PCLO: variants seen among roughly 807,000 people sequenced by gnomAD.
PCLO encodes piccolo presynaptic cytomatrix protein.
PCLO carries 82 observed loss-of-function variants against 427.5 expected under a neutral mutation model. The observed-to-expected ratio is 0.19, with a 90% confidence interval of 0.16 to 0.23. The LOEUF is 0.23. Among genes scored for constraint, PCLO ranks in the 10% least tolerant of loss-of-function variants. PCLO has a pLI of 1.00. For synonymous variants in PCLO, 2,357 were observed against 2,155.4 expected (o/e 1.09, Z -2.59); for missense variants, 6,239 against 6,115.9 (o/e 1.02, Z -0.67).
At chr7:82,763,521 T>C (rs1227295105) in intron 22 of PCLO, among the ~76,000 whole-genome samples, 1 of 152,082 alleles carries the variant, frequency 6.6e-6, no homozygotes, top group East Asian at 1.9e-4. Flanking sequence ...GCTGTAGTTA[T>C]TTGATCATTT....
intron 3 of PCLO, among the ~76,000 whole-genome samples, chr7:83,109,573 G>C (rs181880618): frequency 1.1e-3 from 171 of 152,184 alleles, no homozygotes; most frequent in African/African-American, 3.9e-3. Context: ...TCTGAATTAT[G>C]TTTTAGCTAC....
chr7:83,140,827 T>G (rs1047196165), intron 2 of PCLO, among the ~76,000 whole-genome samples: 5 of 152,184 alleles, frequency 3.3e-5, no homozygotes, highest in Non-Finnish European at 7.3e-5. Context: ...TTGTTTTACT[T>G]CCAAAATTAA....
At chr7:83,123,156 G>A (rs1198404075) in intron 3 of PCLO, among the ~76,000 whole-genome samples, 1 of 151,994 alleles carries the variant, frequency 6.6e-6, no homozygotes, top group Admixed American at 6.6e-5. Context: ...AAAAGACCAA[G>A]AATAGCCAAA....
At chr7:83,135,825 C>T (rs1427088996) in intron 2 of PCLO, among the ~76,000 whole-genome samples, 169 bp from the exon 3 acceptor site, 1 of 151,876 alleles carries the variant, frequency 6.6e-6, no homozygotes, top group Non-Finnish European at 1.5e-5. Context: ...AATTGCCAGG[C>T]GTGGTGGCTC....
intron 22 of PCLO, 44 bp from the exon 23 acceptor site, chr7:82,761,537 A>G: frequency 6.9e-7 from 1 of 1,441,176 alleles, no homozygotes; most frequent in Non-Finnish European, 9.6e-7. Context: ...GTAATGCCAT[A>G]TATGAAATGT....
At chr7:82,841,325 G>A (rs1210720687) in intron 14 of PCLO, 134 bp downstream of exon 14, 4 of 650,674 alleles carry the variant, frequency 6.1e-6, no homozygotes, top group Admixed American at 2.9e-5. Flanking sequence ...CTATAAAATT[G>A]CATTTTTCCT....
chr7:82,928,079 G>A (rs1394309295), intron 6 of PCLO, among the ~76,000 whole-genome samples: 1 of 152,118 alleles, frequency 6.6e-6, no homozygotes, highest in Admixed American at 6.6e-5. Context: ...TTCTTTGTGG[G>A]TGAGTAGAGA....
intron 3 of PCLO, among the ~76,000 whole-genome samples, chr7:83,077,147 G>C (rs1036682925): frequency 6.6e-6 from 1 of 151,922 alleles, no homozygotes; most frequent in Non-Finnish European, 1.5e-5. Flanking sequence ...CCTTTTCATA[G>C]AAGCTAACAT....
At chr7:83,002,680 C>T (rs181977197) in intron 3 of PCLO, among the ~76,000 whole-genome samples, 5 of 151,892 alleles carry the variant, frequency 3.3e-5, no homozygotes, top group Admixed American at 3.3e-4. Flanking sequence ...TATAGTTCGA[C>T]AAGATAATGT....
Position 83,134,705 on chromosome 7 carries a change from C to A in PCLO, c.2845G>T (p.Ala949Ser), listed in dbSNP as rs554897786. ...TGTGAATGAGGTCCAGGTTGGCCTG[C>A]AGTGGAAATTAAATTTGATGCCTGG... ...FSQASNLISTAGQPGPHSQSG... is the reference protein window; with the variant it reads ...FSQASNLISTSGQPGPHSQSG... Residue 949 changes from alanine to serine, a missense_variant, in exon 3 of 25, where the codon GCA (alanine) becomes TCA (serine). By Grantham distance (99) the Ala-to-Ser change is moderately conservative. This residue lies in a region of PCLO where 4,677 missense variants were observed against 4,468.4 expected (regional missense o/e 1.05). Transcript: ENST00000333891. The A allele has an allele frequency of 6.9e-5, 112 of 1,613,744 alleles. No individual in the cohort carries two copies. The highest frequency in any genetic ancestry group is 3.3e-4 in the Middle Eastern group (2 of 6,060).
intron 3 of PCLO, among the ~76,000 whole-genome samples, chr7:83,066,242 T>C (rs939501914): frequency 1.3e-5 from 2 of 152,120 alleles, no homozygotes; most frequent in Non-Finnish European, 2.9e-5. Context: ...TCAAAACTTA[T>C]CAATTCAGGT....
intron 9 of PCLO, among the ~76,000 whole-genome samples, chr7:82,902,011 A>G (rs1794053878): frequency 6.6e-6 from 1 of 151,686 alleles, no homozygotes; most frequent in Non-Finnish European, 1.5e-5. Context: ...TGTGGAAGTC[A>G]GTGTGGCGAT....
chr7:82,758,802 C>T (rs1351446563), intron 24 of PCLO, 87 bp from the exon 25 acceptor site: 3 of 748,650 alleles, frequency 4.0e-6, no homozygotes, highest in Non-Finnish European at 6.4e-6. Flanking sequence ...GACATTTAAT[C>T]ATCAAAGACA....
At chr7:82,891,651 AG>A (rs1243227614) in intron 9 of PCLO, among the ~76,000 whole-genome samples, 6 of 152,008 alleles carry the variant, frequency 3.9e-5, no homozygotes, top group African/African-American at 1.4e-4. Context: ...TTGCCCATTC[AG>A]TATGATATTG....
chr7:83,155,807 T>G lies in PCLO; in HGVS notation c.834A>C (p.Ala278=). 10 of 1,613,916 alleles carry G rather than the reference T, an allele frequency of 6.2e-6. No homozygotes were observed. Among genetic ancestry groups the G allele is most frequent in the Non-Finnish European group, 8.5e-6 (10 of 1,179,834 alleles). Residue 278 remains alanine, a synonymous_variant, in exon 2 of 25, where the codon GCA becomes GCC. Transcript: ENST00000333891. The part of the protein sequence containing the change: ...DHAKLPLQRD[A]SRPQTKQADI... ...CTGCCTGTTTAGTCTGAGGCCTGGA[T>G]GCATCTCGTTGAAGTGGCAATTTTG...
intron 21 of PCLO, among the ~76,000 whole-genome samples, chr7:82,804,408 T>C (rs961426697): frequency 6.6e-6 from 1 of 152,246 alleles, no homozygotes; most frequent in Non-Finnish European, 1.5e-5. Context: ...CTATTTTCAC[T>C]AATGCTTTGC....
At chr7:83,095,757 T>G (rs1366234453) in intron 3 of PCLO, among the ~76,000 whole-genome samples, 1 of 152,122 alleles carries the variant, frequency 6.6e-6, no homozygotes, top group Non-Finnish European at 1.5e-5. Flanking sequence ...TATTACTAAT[T>G]GCTAGTGTAT....
At chr7:82,765,558 T>A (rs1313899960) in intron 22 of PCLO, among the ~76,000 whole-genome samples, 1 of 152,054 alleles carries the variant, frequency 6.6e-6, no homozygotes, top group Non-Finnish European at 1.5e-5. Context: ...AAATGACATG[T>A]GTTCTCTTAA....
Position 82,953,888 on chromosome 7 carries a change from C to T in PCLO, c.7065G>A (p.Gln2355=), listed in dbSNP as rs372466373. Residue 2355 remains glutamine, a synonymous_variant, in exon 5 of 25, where the codon CAG becomes CAA. Transcript: ENST00000333891. ...CAGATGTAAAGTATGTAGTTGAAAGCTGCTCTTTCATTGGAAGGGCTATTA... is the reference window on the plus strand; with the variant it reads ...CAGATGTAAAGTATGTAGTTGAAAGTTGCTCTTTCATTGGAAGGGCTATTA... ...SSVIALPMKE[Q]LSTTYFTSGE... The T allele has an allele frequency of 6.8e-6, 11 of 1,613,778 alleles. No homozygotes were observed. The highest frequency in any genetic ancestry group is 1.3e-5 in the African/African-American group (1 of 74,932).
Sources: gnomAD v4.1 joint callset for allele counts (sites outside exome capture counted in the v4.1 genomes callset) on GRCh38, gnomAD v4.1.1 for gene constraint, gnomAD v4.1.1 regional missense constraint, MANE v1.5 for transcripts, NCBI Gene and HGNC (gene_info 2026-07-23, HGNC 2026-07-21) for gene names.